PRKCQ: variants seen among roughly 807,000 people sequenced by gnomAD.
PRKCQ encodes protein kinase C theta.
PRKCQ carries 41 observed loss-of-function variants against 91.2 expected under a neutral mutation model. The ratio of observed to expected loss-of-function variants is 0.45; its 90% confidence interval spans 0.35 to 0.58. PRKCQ has a LOEUF of 0.58. PRKCQ is among the 20% of genes least tolerant of loss of function. PRKCQ has a pLI of 0.00. For synonymous variants in PRKCQ, 307 were observed against 316.9 expected (o/e 0.97, Z 0.33); for missense variants, 673 against 896.5 (o/e 0.75, Z 3.18).
chr10:6,516,353 GT>G (rs1564368548), intron 1 of PRKCQ, among the ~76,000 whole-genome samples: 1 of 152,176 alleles, frequency 6.6e-6, no homozygotes, highest in Non-Finnish European at 1.5e-5. Flanking sequence ...TTCCTGCAGA[GT>G]TTGGAAGTTT....
At chr10:6,566,729 G>A (rs1373538873) in intron 1 of PRKCQ, among the ~76,000 whole-genome samples, 1 of 152,092 alleles carries the variant, frequency 6.6e-6, no homozygotes, top group Admixed American at 6.5e-5. Context: ...GAAAGATGGA[G>A]AGAACTCAGG....
At chr10:6,487,241 G>A (rs576681060) in intron 8 of PRKCQ, among the ~76,000 whole-genome samples, 36 of 152,212 alleles carry the variant, frequency 2.4e-4, no homozygotes, top group Non-Finnish European at 4.8e-4. Flanking sequence ...TTTCTTGCAC[G>A]CATGAACTGA....
chr10:6,546,366 G>T (rs929127413), intron 1 of PRKCQ, among the ~76,000 whole-genome samples: 1 of 152,224 alleles, frequency 6.6e-6, no homozygotes, highest in Non-Finnish European at 1.5e-5. Flanking sequence ...CCTTGGGGTA[G>T]AGCAAGATGA....
chr10:6,403,834 G>GA, the PRKCQ span, among the ~76,000 whole-genome samples: 58,637 of 149,398 alleles, frequency 0.39, 12,661 homozygotes, highest in East Asian at 0.8. Context: ...ATAAATGAAT[G>GA]AAAAAAAAAA....
chr10:6,398,232 A>G, the PRKCQ span, among the ~76,000 whole-genome samples: 1 of 152,196 alleles, frequency 6.6e-6, no homozygotes, highest in Non-Finnish European at 1.5e-5. Context: ...ATTCTATTCC[A>G]TTGATTTTCA....
chr10:6,568,947 C>T (rs145831793), intron 1 of PRKCQ, among the ~76,000 whole-genome samples: 1 of 152,194 alleles, frequency 6.6e-6, no homozygotes, highest in African/African-American at 2.4e-5. Context: ...TTTCCCACCC[C>T]CTTCAGCTCT....
intron 15 of PRKCQ, among the ~76,000 whole-genome samples, chr10:6,453,932 G>A (rs1034132416): frequency 5.9e-5 from 9 of 151,512 alleles, no homozygotes; most frequent in African/African-American, 1.9e-4. Context: ...GGGGTGGGGG[G>A]AGCGGGGAGG....
chr10:6,541,250 C>T (rs565832636), intron 1 of PRKCQ, among the ~76,000 whole-genome samples: 17 of 152,294 alleles, frequency 1.1e-4, no homozygotes, highest in African/African-American at 3.4e-4. Context: ...GTTGACTCTG[C>T]GTAAAGGCTT....
At chr10:6,396,593 T>C in the PRKCQ span, among the ~76,000 whole-genome samples, 19 of 152,244 alleles carry the variant, frequency 1.2e-4, no homozygotes, top group Admixed American at 2.6e-4. Context: ...GGCTGACTTA[T>C]ATTATACCAT....
rs111801528 is a variant in PRKCQ at position 6,534,791 on chromosome 10, T to G, written c.-9-19647A>C. Among the ~76,000 whole-genome samples, 1,142 of 117,822 alleles carry G rather than the reference T, an allele frequency of 9.7e-3. 34 individuals are homozygous for G. Among genetic ancestry groups the G allele is most frequent in the East Asian group, 0.093 (434 of 4,642 alleles). The allele number at this position is 117,822 out of a possible 152,430, so 77.3% of individuals were successfully genotyped here. A position where few individuals can be genotyped will look rare whatever the true frequency, so the allele number is the denominator to read the frequency against. On this transcript the variant is annotated intron_variant, in intron 1 of 17. Coordinates refer to ENST00000263125, the MANE Select transcript of PRKCQ (RefSeq NM_006257.5). ...ACATATATCTATATATATATATATA[T>G]AGATATATATATATATATATAAACT... is the stretch of plus-strand genomic sequence containing the variant.
chr10:6,505,572 CCCTT>C (rs1314857263), intron 4 of PRKCQ, among the ~76,000 whole-genome samples: 24 of 142,746 alleles, frequency 1.7e-4, no homozygotes, highest in East Asian at 1.3e-3. Flanking sequence ...CCTTCCCTTC[CCCTT>C]CCTTCCTTCC....
chr10:6,411,618 C>T, the PRKCQ span, among the ~76,000 whole-genome samples: 23,232 of 152,198 alleles, frequency 0.15, 2,330 homozygotes, highest in Middle Eastern at 0.23. Context: ...CATTGGGACA[C>T]CCATTTGTTT....
intron 12 of PRKCQ, among the ~76,000 whole-genome samples, 179 bp from the exon 13 acceptor site, chr10:6,464,583 G>A (rs1835538825): frequency 6.6e-6 from 1 of 152,134 alleles, no homozygotes; most frequent in Non-Finnish European, 1.5e-5. Flanking sequence ...TAGTAGCTGG[G>A]ACTACAGGCA....
chr10:6,496,923 C>A (rs1197261661), intron 7 of PRKCQ, 112 bp downstream of exon 7: 12 of 967,704 alleles, frequency 1.2e-5, no homozygotes, highest in Non-Finnish European at 1.5e-5. Flanking sequence ...TGGATGTTCA[C>A]TGATAAATGG....
intron 4 of PRKCQ, among the ~76,000 whole-genome samples, chr10:6,506,961 T>C (rs1033369915): frequency 1.3e-5 from 2 of 152,240 alleles, no homozygotes; most frequent in African/African-American, 4.8e-5. Context: ...CACCTTTTCT[T>C]GTTCCTAAAA....
intron 7 of PRKCQ, among the ~76,000 whole-genome samples, chr10:6,493,058 G>A (rs1348712319): frequency 6.6e-6 from 1 of 152,174 alleles, no homozygotes; most frequent in Non-Finnish European, 1.5e-5. Flanking sequence ...ACAATTAATA[G>A]GTCAAGGTCC....
At chr10:6,507,335 C>G in intron 4 of PRKCQ, 101 bp downstream of exon 4, 1 of 1,204,842 alleles carries the variant, frequency 8.3e-7, no homozygotes, top group South Asian at 1.2e-5. Context: ...CTCTTTTCTC[C>G]TGATTCTCTT....
the PRKCQ span, among the ~76,000 whole-genome samples, chr10:6,398,107 C>T: frequency 1.3e-5 from 2 of 152,194 alleles, no homozygotes. Flanking sequence ...AGATATTCAG[C>T]TGTTCTTAGC....
chr10:6,501,265 C>G (rs983542909), intron 4 of PRKCQ, among the ~76,000 whole-genome samples: 8 of 150,824 alleles, frequency 5.3e-5, no homozygotes, highest in Admixed American at 1.3e-4. Context: ...AAAAAAAACT[C>G]AAGGAGGTAA....
Sources: gnomAD v4.1 joint callset for allele counts (sites outside exome capture counted in the v4.1 genomes callset) on GRCh38, gnomAD v4.1.1 for gene constraint, MANE v1.5 for transcripts, NCBI Gene and HGNC (gene_info 2026-07-23, HGNC 2026-07-21) for gene names.